MACROD2: variants seen among roughly 807,000 people sequenced by gnomAD.
The protein encoded by MACROD2 is ADP-ribose glycohydrolase MACROD2.
MACROD2 carries 36 observed loss-of-function variants against 70.4 expected under a neutral mutation model. That is an observed-to-expected ratio of 0.51 (90% CI 0.39 to 0.68). The LOEUF (loss-of-function observed/expected upper bound fraction) is 0.68, where lower values mean the gene tolerates loss of function less well. MACROD2 is among the 30% of genes least tolerant of loss of function. The pLI, the probability that MACROD2 is intolerant of heterozygous loss-of-function variation, is 0.00. For missense variants in MACROD2, 496 were observed against 538.4 expected (o/e 0.92, Z 0.78); for synonymous variants, 172 against 178.8 (o/e 0.96, Z 0.30).
At chr20:14,477,095 C>T (rs866999145) in intron 3 of MACROD2, among the ~76,000 whole-genome samples, 1 of 151,878 alleles carries the variant, frequency 6.6e-6, no homozygotes, top group Non-Finnish European at 1.5e-5. Context: ...AATTGGGAGG[C>T]GGGAAGGGGA....
At chr20:15,307,076 C>G (rs994782672) in intron 6 of MACROD2, among the ~76,000 whole-genome samples, 1 of 152,118 alleles carries the variant, frequency 6.6e-6, no homozygotes, top group Admixed American at 6.5e-5. Flanking sequence ...CACCCCACCC[C>G]ATGACCCAAA....
intron 8 of MACROD2, among the ~76,000 whole-genome samples, chr20:15,540,772 T>G (rs2047945069): frequency 1.3e-5 from 2 of 152,200 alleles, no homozygotes; most frequent in Admixed American, 6.5e-5. Context: ...TTCCATCACT[T>G]TCTCCTGACT....
intron 8 of MACROD2, among the ~76,000 whole-genome samples, chr20:15,542,270 G>A (rs2047968048): frequency 6.6e-6 from 1 of 152,062 alleles, no homozygotes; most frequent in Admixed American, 6.5e-5. Flanking sequence ...TTTATAATGT[G>A]GAAATTGTAA....
intron 5 of MACROD2, among the ~76,000 whole-genome samples, chr20:14,691,985 T>C (rs6110390): frequency 0.4 from 60,709 of 152,040 alleles, 12,885 homozygotes; most frequent in East Asian, 0.58. Context: ...TCCATAATTG[T>C]CACCCTTTTC....
chr20:14,448,149 C>T (rs1043925846), intron 3 of MACROD2, among the ~76,000 whole-genome samples: 5 of 151,712 alleles, frequency 3.3e-5, no homozygotes, highest in Admixed American at 6.6e-5. Flanking sequence ...TCATTTAGAC[C>T]CTAGAGAGGT....
chr20:14,100,056 G>A (rs1004913449), intron 3 of MACROD2, among the ~76,000 whole-genome samples: 1 of 151,908 alleles, frequency 6.6e-6, no homozygotes, highest in African/African-American at 2.4e-5. Flanking sequence ...AAATACAAAT[G>A]TATTTTTCTC....
intron 6 of MACROD2, among the ~76,000 whole-genome samples, chr20:15,337,192 A>C (rs1168591873): frequency 2.0e-5 from 3 of 151,796 alleles, no homozygotes; most frequent in Non-Finnish European, 2.9e-5. Context: ...ATTCTCAAAA[A>C]TCAAATCAGA....
At chr20:14,171,404 G>C (rs1378753509) in intron 3 of MACROD2, among the ~76,000 whole-genome samples, 1 of 151,872 alleles carries the variant, frequency 6.6e-6, no homozygotes, top group African/African-American at 2.4e-5. Flanking sequence ...GTTTGTTCTT[G>C]TTTCTCTAGT....
At chr20:15,450,358 A>G (rs563647599) in intron 7 of MACROD2, among the ~76,000 whole-genome samples, 4 of 152,112 alleles carry the variant, frequency 2.6e-5, no homozygotes, top group East Asian at 3.9e-4. Flanking sequence ...TTAAAGAAAC[A>G]TATAAGTACT....
chr20:14,776,121 C>T (rs1195965719), intron 5 of MACROD2, among the ~76,000 whole-genome samples: 1 of 151,956 alleles, frequency 6.6e-6, no homozygotes, highest in Non-Finnish European at 1.5e-5. Context: ...AGAATGCAGA[C>T]TGAACAAACC....
chr20:15,197,843 C>T (rs2076618881), intron 5 of MACROD2, among the ~76,000 whole-genome samples: 1 of 151,782 alleles, frequency 6.6e-6, no homozygotes, highest in South Asian at 2.1e-4. Context: ...ACTAGAGGTG[C>T]ACACCATCAC....
At chr20:14,203,997 G>A (rs2081501996) in intron 3 of MACROD2, among the ~76,000 whole-genome samples, 1 of 152,190 alleles carries the variant, frequency 6.6e-6, no homozygotes, top group African/African-American at 2.4e-5. Flanking sequence ...GGTGGTGGTA[G>A]CTATGGCAGC....
intron 5 of MACROD2, among the ~76,000 whole-genome samples, chr20:14,831,451 A>G (rs1001690079): frequency 2.6e-5 from 4 of 151,810 alleles, no homozygotes; most frequent in Non-Finnish European, 5.9e-5. Context: ...TTACTCCCCA[A>G]TCCTCCTGCC....
intron 3 of MACROD2, among the ~76,000 whole-genome samples, chr20:14,286,261 C>G (rs1047603046): frequency 1.3e-5 from 2 of 151,998 alleles, no homozygotes; most frequent in African/African-American, 2.4e-5. Context: ...CTTTTTTTCT[C>G]TCTCAGAAGT....
chr20:14,789,452 T>G (rs1276764174), intron 5 of MACROD2, among the ~76,000 whole-genome samples: 1 of 128,960 alleles, frequency 7.8e-6, no homozygotes, highest in African/African-American at 2.8e-5. Context: ...ATTAATCAGG[T>G]AGTGCAAATT....
chr20:15,224,066 G>T (rs957933892), intron 5 of MACROD2, among the ~76,000 whole-genome samples: 2 of 152,160 alleles, frequency 1.3e-5, no homozygotes, highest in African/African-American at 4.8e-5. Context: ...AAGAGAGAAA[G>T]ATGTCAGTCC....
chr20:15,231,306 C>T (rs1399971875), intron 6 of MACROD2, among the ~76,000 whole-genome samples: 1 of 151,822 alleles, frequency 6.6e-6, no homozygotes, highest in African/African-American at 2.4e-5. Flanking sequence ...AGCTGAAGTT[C>T]AAAGAGAATG....
At chr20:14,312,151 C>T (rs1378556463) in intron 3 of MACROD2, among the ~76,000 whole-genome samples, 1 of 152,086 alleles carries the variant, frequency 6.6e-6, no homozygotes, top group Non-Finnish European at 1.5e-5. Flanking sequence ...GGATTCTTAG[C>T]CTGCCTAGCC....
chr20:15,943,739 G>A (rs983174405), intron 12 of MACROD2, among the ~76,000 whole-genome samples: 2 of 151,978 alleles, frequency 1.3e-5, no homozygotes, highest in African/African-American at 2.4e-5. Context: ...ATGGTTAACC[G>A]CCGTACCTAA....
Sources: allele counts gnomAD v4.1 joint callset (sites outside exome capture counted in the v4.1 genomes callset), GRCh38; gene constraint gnomAD v4.1.1; transcripts MANE v1.5; gene names NCBI Gene and HGNC (gene_info 2026-07-23, HGNC 2026-07-21).